DACH1: variants seen among roughly 807,000 people sequenced by gnomAD.
DACH1 encodes dachshund family transcription factor 1.
Under a neutral mutation model 54.2 loss-of-function variants are expected in DACH1, and 12 were observed. The observed-to-expected ratio is 0.22, with a 90% confidence interval of 0.14 to 0.36. The LOEUF (loss-of-function observed/expected upper bound fraction) is 0.36, where lower values mean the gene tolerates loss of function less well. Ranked by LOEUF, DACH1 falls within the 10% of genes least tolerant of loss-of-function variation. The pLI, the probability that DACH1 is intolerant of heterozygous loss-of-function variation, is 1.00. For synonymous variants in DACH1, 386 were observed against 366.2 expected (o/e 1.05, Z -0.62); for missense variants, 805 against 929.8 (o/e 0.87, Z 1.75).
intron 1 of DACH1, among the ~76,000 whole-genome samples, chr13:71,766,837 G>T (rs549004485): frequency 7.3e-6 from 1 of 137,196 alleles, no homozygotes; most frequent in South Asian, 2.2e-4. Flanking sequence ...CTGAGAAAAG[G>T]CTTAAAAAAA....
At chr13:71,484,970 G>A (rs532824595) in intron 7 of DACH1, among the ~76,000 whole-genome samples, 4 of 152,144 alleles carry the variant, frequency 2.6e-5, no homozygotes, top group African/African-American at 9.6e-5. Flanking sequence ...GCTGAGGCAG[G>A]AGAATCACTT....
At chr13:71,699,467 CAA>C (rs1387680069) in intron 1 of DACH1, among the ~76,000 whole-genome samples, 1 of 152,162 alleles carries the variant, frequency 6.6e-6, no homozygotes, top group African/African-American at 2.4e-5. Context: ...GGTTGAATGA[CAA>C]AGAGTAGTAT....
In DACH1 at chr13:71,628,634, C is replaced by A. The variant is rs565615755; in HGVS notation, c.1126+1922G>T. On this transcript the variant is annotated intron_variant, in intron 3 of 10. Transcript: ENST00000613252. ...ACTGCATACCTTAATGAAAAAAAGT[C>A]ATTTATTCCAGCTAAAATACAAAAG... 4.6e-5 allele frequency among the ~76,000 whole-genome samples: 7 copies of A among 152,098 alleles called. No individual in the cohort carries two copies. In the South Asian group the frequency reaches 1.5e-3, roughly 32 times the overall value.
intron 2 of DACH1, among the ~76,000 whole-genome samples, chr13:71,641,584 T>C (rs73521287): frequency 6.6e-6 from 1 of 152,064 alleles, no homozygotes; most frequent in Non-Finnish European, 1.5e-5. Context: ...AGTTGGATTA[T>C]GGAAAAAAAC....
intron 6 of DACH1, among the ~76,000 whole-genome samples, chr13:71,495,675 G>A (rs1261252499): frequency 6.6e-6 from 1 of 151,944 alleles, no homozygotes; most frequent in Non-Finnish European, 1.5e-5. Flanking sequence ...ATTGATGAGG[G>A]TGTAAAGGAA....
intron 1 of DACH1, among the ~76,000 whole-genome samples, chr13:71,738,920 A>G (rs1038915497): frequency 6.6e-6 from 1 of 151,950 alleles, no homozygotes; most frequent in Non-Finnish European, 1.5e-5. Context: ...GTTGTAGTCT[A>G]CATTGGACAC....
chr13:71,595,487 G>T lies in DACH1; in HGVS notation c.1127-22475C>A, dbSNP rs926514247. Among the ~76,000 whole-genome samples, 7 of 152,268 alleles carry T rather than the reference G, an allele frequency of 4.6e-5. No homozygotes were observed. The South Asian group carries it at 1.0e-3, about 23-fold the overall frequency. On this transcript the variant is annotated intron_variant, in intron 3 of 10. Coordinates refer to ENST00000613252, the MANE Select transcript of DACH1 (RefSeq NM_080759.6). Reference sequence around the variant, plus strand: ...GAGACTTTCACGATAATTCCAGCAGGTGATAATGGAGAAGGAAAGAAGTAG... The same window carrying T: ...GAGACTTTCACGATAATTCCAGCAGTTGATAATGGAGAAGGAAAGAAGTAG...
chr13:71,629,899 A>G (rs2138567269), intron 3 of DACH1, among the ~76,000 whole-genome samples: 1 of 152,280 alleles, frequency 6.6e-6, no homozygotes, highest in Admixed American at 6.5e-5. Context: ...CCATATTTGA[A>G]GTTGTGTTTG....
chr13:71,697,393 GATA>G (rs1410187318), intron 1 of DACH1, among the ~76,000 whole-genome samples: 1 of 152,130 alleles, frequency 6.6e-6, no homozygotes. Flanking sequence ...GCGCCAACTT[GATA>G]ATGATGATAA....
At chr13:71,462,737 C>T (rs1458547397) in intron 10 of DACH1, among the ~76,000 whole-genome samples, 1 of 151,866 alleles carries the variant, frequency 6.6e-6, no homozygotes, top group African/African-American at 2.4e-5. Flanking sequence ...TTATTATCAT[C>T]TTTGTTTTAC....
chr13:71,446,810 A>C (rs9542704), intron 10 of DACH1, among the ~76,000 whole-genome samples: 142,494 of 152,280 alleles, frequency 0.94, 67,411 homozygotes, highest in East Asian at 1. Flanking sequence ...AATTGGTCAA[A>C]CTGAAATCAG....
Position 71,802,743 on chromosome 13 carries a change from C to T in DACH1, c.848+63179G>A, listed in dbSNP as rs1887338339. 3.9e-5 allele frequency among the ~76,000 whole-genome samples: 6 copies of T among 152,038 alleles called. No homozygotes were observed. The South Asian group carries it at 1.2e-3, about 32-fold the overall frequency. On this transcript the variant is annotated intron_variant, in intron 1 of 10. Coordinates refer to ENST00000613252, the MANE Select transcript of DACH1 (RefSeq NM_080759.6). ...AAATTAATTTGCAATAAAAAATATA[C>T]CATTGTTTTCAGAGTATGAGACAAA... is the stretch of plus-strand genomic sequence containing the variant.
At chr13:71,525,412 A>G (rs1449537550) in intron 6 of DACH1, among the ~76,000 whole-genome samples, 2 of 152,184 alleles carry the variant, frequency 1.3e-5, no homozygotes, top group East Asian at 3.9e-4. Context: ...TGGATTAATG[A>G]AAACATTATC....
At chr13:71,836,385 C>T (rs1260581354) in intron 1 of DACH1, among the ~76,000 whole-genome samples, 1 of 151,980 alleles carries the variant, frequency 6.6e-6, no homozygotes, top group Non-Finnish European at 1.5e-5. Flanking sequence ...AAGATTATTC[C>T]ACTTTTAGAC....
intron 10 of DACH1, among the ~76,000 whole-genome samples, chr13:71,449,106 G>A (rs1041898418): frequency 6.6e-6 from 1 of 152,060 alleles, no homozygotes; most frequent in Non-Finnish European, 1.5e-5. Context: ...TTCGGAGGCC[G>A]AGGCAGGCAG....
intron 2 of DACH1, among the ~76,000 whole-genome samples, chr13:71,678,394 T>G (rs747377165): frequency 5.9e-5 from 9 of 152,156 alleles, no homozygotes; most frequent in Non-Finnish European, 1.3e-4. Context: ...CTAGAAAAAT[T>G]TTACATAAAA....
intron 3 of DACH1, among the ~76,000 whole-genome samples, chr13:71,614,259 C>A (rs1000990679): frequency 6.6e-6 from 1 of 152,052 alleles, no homozygotes. Flanking sequence ...GAGGAGAATT[C>A]CATTGGTTTT....
chr13:71,493,401 G>A (rs965832769), intron 6 of DACH1, among the ~76,000 whole-genome samples: 3 of 152,078 alleles, frequency 2.0e-5, no homozygotes, highest in African/African-American at 7.2e-5. Context: ...TTGATTGATT[G>A]CAATCCCATG....
At chr13:71,579,449 G>A (rs1049594581) in intron 3 of DACH1, among the ~76,000 whole-genome samples, 11 of 151,958 alleles carry the variant, frequency 7.2e-5, no homozygotes, top group African/African-American at 9.7e-5. Context: ...GAAACAAACC[G>A]TAAAATCAGA....
Sources: allele counts gnomAD v4.1 joint callset (sites outside exome capture counted in the v4.1 genomes callset), GRCh38; gene constraint gnomAD v4.1.1; transcripts MANE v1.5; gene names NCBI Gene and HGNC (gene_info 2026-07-23, HGNC 2026-07-21).